CCSER1: variants seen among roughly 807,000 people sequenced by gnomAD.
CCSER1 encodes the protein serine-rich coiled-coil domain-containing protein 1.
Under a neutral mutation model 82.0 loss-of-function variants are expected in CCSER1, and 41 were observed. The ratio of observed to expected loss-of-function variants is 0.50; its 90% CI spans 0.39 to 0.65. The LOEUF (loss-of-function observed/expected upper bound fraction) is 0.65. CCSER1 is among the 30% of genes least tolerant of loss of function. The pLI is 0.00. For missense variants in CCSER1, 1,119 were observed against 1,064.2 expected, an observed-to-expected ratio of 1.05 and a Z score of -0.72; for synonymous variants, 414 against 383.9, an observed-to-expected ratio of 1.08 and a Z score of -0.92.
rs1749741229 is a variant in CCSER1 at position 91,367,779 on chromosome 4, A to T, written c.2218-230793A>T. On this transcript the variant is annotated intron_variant, in intron 10 of 10. Coordinates refer to ENST00000509176, the MANE Select transcript of CCSER1 (RefSeq NM_001145065.2). ...ATGTGATGAATATCCCTTTGATCAC[A>T]TGCCAACCAGCCATCCCATCTGTTT... 2.0e-5 allele frequency among the ~76,000 whole-genome samples: 3 copies of T among 152,182 alleles called. No individual in the cohort carries two copies. The South Asian group carries it at 6.2e-4, about 31-fold the overall frequency.
At chr4:91,269,285 CA>C (rs529650637) in intron 10 of CCSER1, among the ~76,000 whole-genome samples, 1 of 152,148 alleles carries the variant, frequency 6.6e-6, no homozygotes, top group South Asian at 2.1e-4. Context: ...TCTAAATAAG[CA>C]CAAAACTAGT....
intron 8 of CCSER1, among the ~76,000 whole-genome samples, chr4:90,843,668 C>T (rs1762843170): frequency 1.3e-5 from 2 of 152,148 alleles, no homozygotes; most frequent in Admixed American, 6.5e-5. Flanking sequence ...TCAACTTTTG[C>T]TGGATTTTCC....
At chr4:90,433,887 T>C (rs1431235792) in intron 4 of CCSER1, among the ~76,000 whole-genome samples, 2 of 151,636 alleles carry the variant, frequency 1.3e-5, no homozygotes, top group South Asian at 2.1e-4. Flanking sequence ...TATATATATA[T>C]GCAAATTGTA....
intron 9 of CCSER1, among the ~76,000 whole-genome samples, chr4:90,992,376 T>C (rs1737111871): frequency 6.6e-6 from 1 of 152,114 alleles, no homozygotes; most frequent in Admixed American, 6.6e-5. Context: ...TAGATATCTT[T>C]GTAATGTAAC....
At chr4:91,118,368 G>A (rs776575265) in intron 10 of CCSER1, among the ~76,000 whole-genome samples, 3 of 146,442 alleles carry the variant, frequency 2.0e-5, no homozygotes, top group South Asian at 2.2e-4. Context: ...TCAAGGTCCC[G>A]GGCTCAAGCA....
intron 1 of CCSER1, among the ~76,000 whole-genome samples, chr4:90,173,719 A>T (rs1732164992): frequency 1.3e-5 from 2 of 152,004 alleles, no homozygotes; most frequent in Non-Finnish European, 2.9e-5. Context: ...CACAAGTTTA[A>T]GGGTTAAAAG....
At chr4:91,206,910 A>G (rs544358777) in intron 10 of CCSER1, among the ~76,000 whole-genome samples, 2 of 151,992 alleles carry the variant, frequency 1.3e-5, no homozygotes, top group South Asian at 4.1e-4. Flanking sequence ...TTTATATCCT[A>G]TCTTAGACAT....
intron 8 of CCSER1, among the ~76,000 whole-genome samples, chr4:90,910,740 G>C (rs1464797822): frequency 6.6e-6 from 1 of 152,058 alleles, no homozygotes; most frequent in East Asian, 1.9e-4. Context: ...TTAGAGTCTT[G>C]ACCCATTTTT....
chr4:90,559,239 C>T (rs1778450813), intron 5 of CCSER1, among the ~76,000 whole-genome samples: 1 of 152,102 alleles, frequency 6.6e-6, no homozygotes, highest in Non-Finnish European at 1.5e-5. Flanking sequence ...TTAATTGCTC[C>T]CTACTTTTTT....
In CCSER1 at chr4:90,932,970, GAA is replaced by G. The variant is rs1190944883; in HGVS notation, c.2172+9525_2172+9526del. Among the ~76,000 whole-genome samples the G allele has an allele frequency of 3.6e-3, 115 of 31,918 alleles. 17 individuals are homozygous for G. The highest frequency in any genetic ancestry group is 4.9e-3 in the African/African-American group (21 of 4,316). The allele number at this position is 31,918 out of a possible 152,430, so 20.9% of individuals were successfully genotyped here. On this transcript the variant is annotated intron_variant, in intron 9 of 10. Coordinates refer to ENST00000509176, the MANE Select transcript of CCSER1 (RefSeq NM_001145065.2). Reference sequence around the variant, plus strand: ...AGAAAGAAAGAAAGAAAGAAAGAAAGAAAGAAAGAAAGAGAAAGAAAGAAAGA... The same window carrying G: ...AGAAAGAAAGAAAGAAAGAAAGAAAGAGAAAGAAAGAGAAAGAAAGAAAGA...
intron 5 of CCSER1, among the ~76,000 whole-genome samples, chr4:90,584,470 T>G (rs1452622047): frequency 6.6e-6 from 1 of 152,160 alleles, no homozygotes; most frequent in East Asian, 1.9e-4. Context: ...CTTTAGAAAC[T>G]CCAGAAGAGA....
At chr4:90,409,198 A>G (rs935443859) in intron 4 of CCSER1, among the ~76,000 whole-genome samples, 1 of 152,242 alleles carries the variant, frequency 6.6e-6, no homozygotes, top group Non-Finnish European at 1.5e-5. Context: ...CAAGTTGGAA[A>G]ACACTCTGCA....
chr4:90,768,949 A>G (rs1192601226), intron 7 of CCSER1, among the ~76,000 whole-genome samples: 1 of 152,196 alleles, frequency 6.6e-6, no homozygotes, highest in Non-Finnish European at 1.5e-5. Flanking sequence ...ATAATGCTAA[A>G]TTTAAGAAAT....
At chr4:91,116,339 A>G (rs1485816174) in intron 10 of CCSER1, among the ~76,000 whole-genome samples, 2 of 152,286 alleles carry the variant, frequency 1.3e-5, no homozygotes, top group East Asian at 3.9e-4. Context: ...AAATCCAGGA[A>G]CTCACAGTGT....
intron 1 of CCSER1, among the ~76,000 whole-genome samples, chr4:90,210,831 G>GA (rs1460936915): frequency 2.6e-5 from 4 of 151,998 alleles, no homozygotes; most frequent in African/African-American, 9.7e-5. Flanking sequence ...CAGTGGTTTT[G>GA]AAAAGCAGAA....
rs116419823 is a variant in CCSER1, at chr4:91,008,349, C to G, written c.2173-77601C>G. 3.8e-3 allele frequency among the ~76,000 whole-genome samples: 578 copies of G among 152,168 alleles called. 5 individuals carry two copies. Among genetic ancestry groups the G allele is most frequent in the African/African-American group, 0.013 (553 of 41,522 alleles). On this transcript the variant is annotated intron_variant, in intron 9 of 10. Coordinates refer to ENST00000509176, the MANE Select transcript of CCSER1 (RefSeq NM_001145065.2). ...ATTGTGTAGTTATCTTTCTTTATAT[C>G]TATTGATATTTGCTTTATATATTTA... is the stretch of plus-strand genomic sequence containing the variant.
chr4:91,101,836 A>C (rs1725095060), intron 10 of CCSER1, among the ~76,000 whole-genome samples: 1 of 152,236 alleles, frequency 6.6e-6, no homozygotes, highest in African/African-American at 2.4e-5. Context: ...ACAAAAACAA[A>C]CAGTAGTGTC....
intron 1 of CCSER1, among the ~76,000 whole-genome samples, chr4:90,229,900 C>G (rs992854882): frequency 6.6e-6 from 1 of 152,152 alleles, no homozygotes; most frequent in Non-Finnish European, 1.5e-5. Flanking sequence ...GGAAAGGGAT[C>G]AATTCAACAA....
At chr4:91,438,584 C>T (rs1361174149) in intron 10 of CCSER1, among the ~76,000 whole-genome samples, 2 of 152,178 alleles carry the variant, frequency 1.3e-5, no homozygotes, top group African/African-American at 2.4e-5. Flanking sequence ...GCCTCTCCTC[C>T]TCCAAAGGAA....
Sources: allele counts gnomAD v4.1 joint callset (sites outside exome capture counted in the v4.1 genomes callset), GRCh38; gene constraint gnomAD v4.1.1; transcripts MANE v1.5; gene names NCBI Gene and HGNC (gene_info 2026-07-23, HGNC 2026-07-21).